TAS2R1: variants seen among roughly 807,000 people sequenced by gnomAD.
TAS2R1 encodes the protein taste receptor type 2 member 1.
For missense variants in TAS2R1, 370 were observed against 353.4 expected, an observed-to-expected ratio of 1.05 and a Z score of -0.38; for synonymous variants, 141 against 134.2, an observed-to-expected ratio of 1.05 and a Z score of -0.35.
At chr5:9,836,720 G>A in the TAS2R1 span, among the ~76,000 whole-genome samples, 9,119 of 152,216 alleles carry the variant, frequency 0.06, 652 homozygotes, top group East Asian at 0.23. Context: ...GTTCCATAAA[G>A]CAAATAGCAA....
the TAS2R1 span, among the ~76,000 whole-genome samples, chr5:9,736,330 C>CT: frequency 1.4e-4 from 21 of 152,240 alleles, no homozygotes; most frequent in Non-Finnish European, 3.1e-4. Flanking sequence ...GCGTCCCAGC[C>CT]TTATTCCCTC....
intron 2 of TAS2R1, among the ~76,000 whole-genome samples, chr5:9,646,494 A>T (rs1157978242): frequency 6.6e-6 from 1 of 152,148 alleles, no homozygotes; most frequent in African/African-American, 2.4e-5. Context: ...TGCTCTTGAA[A>T]CAAGCAGTGC....
intron 2 of TAS2R1, among the ~76,000 whole-genome samples, chr5:9,649,776 AAGG>A (rs1359582464): frequency 1.3e-5 from 2 of 152,222 alleles, no homozygotes; most frequent in African/African-American, 4.8e-5. Context: ...CAATAGCTTC[AAGG>A]AGAAGAAAAT....
chr5:9,657,736 G>T (rs951241035), intron 2 of TAS2R1, among the ~76,000 whole-genome samples: 7 of 152,168 alleles, frequency 4.6e-5, no homozygotes, highest in African/African-American at 1.7e-4. Context: ...GCAGGGGCTG[G>T]CGGGGAGTGG....
chr5:9,784,468 T>C, the TAS2R1 span, among the ~76,000 whole-genome samples: 1 of 152,198 alleles, frequency 6.6e-6, no homozygotes, highest in South Asian at 2.1e-4. Context: ...GCAGAGAACA[T>C]TCAATGTAGG....
intron 2 of TAS2R1, among the ~76,000 whole-genome samples, chr5:9,638,396 T>G (rs1402755864): frequency 6.6e-6 from 1 of 152,198 alleles, no homozygotes; most frequent in East Asian, 1.9e-4. Context: ...CTGGCTTTCT[T>G]GAATGCTGGT....
the TAS2R1 span, among the ~76,000 whole-genome samples, chr5:9,849,672 C>G: frequency 2.4e-3 from 366 of 152,296 alleles, no homozygotes; most frequent in Non-Finnish European, 4.3e-3. Flanking sequence ...CAAAGGTTCA[C>G]TTGATGTATC....
At chr5:9,772,144 A>C in the TAS2R1 span, among the ~76,000 whole-genome samples, 684 of 152,156 alleles carry the variant, frequency 4.5e-3, 4 homozygotes, top group African/African-American at 0.015. Flanking sequence ...ACTTACAGCT[A>C]TAAATTTTCC....
At chr5:9,712,461 A>G (rs1310967592), upstream of TAS2R1, 1 of 152,260 alleles carries the variant, frequency 6.6e-6, no homozygotes, top group East Asian at 1.9e-4. Flanking sequence ...ATTATCTTCC[A>G]TCTTGTAGGT....
At chr5:9,866,381 CTCT>C in the TAS2R1 span, among the ~76,000 whole-genome samples, 4 of 152,080 alleles carry the variant, frequency 2.6e-5, no homozygotes, top group African/African-American at 9.7e-5. Context: ...ATCTGTATTT[CTCT>C]TGTTTTTGGA....
At chr5:9,792,011 A>G in the TAS2R1 span, among the ~76,000 whole-genome samples, 6 of 152,228 alleles carry the variant, frequency 3.9e-5, no homozygotes, top group Non-Finnish European at 8.8e-5. Flanking sequence ...TAGTGCCACC[A>G]GGAGTCAGGA....
the TAS2R1 span, among the ~76,000 whole-genome samples, chr5:9,841,453 T>C: frequency 6.6e-6 from 1 of 152,212 alleles, no homozygotes; most frequent in African/African-American, 2.4e-5. Flanking sequence ...TCTTAGTTTG[T>C]TTACAAATTC....
chr5:9,748,060 G>A, the TAS2R1 span, among the ~76,000 whole-genome samples: 29 of 152,222 alleles, frequency 1.9e-4, no homozygotes, highest in African/African-American at 6.0e-4. Flanking sequence ...TATGGTGGAG[G>A]AAAACTGAAG....
At chr5:9,812,257 A>G in the TAS2R1 span, among the ~76,000 whole-genome samples, 1 of 152,178 alleles carries the variant, frequency 6.6e-6, no homozygotes, top group African/African-American at 2.4e-5. Flanking sequence ...TTCGATAAAT[A>G]TTCATTAAAT....
chr5:9,791,856 TAGA>T, the TAS2R1 span, among the ~76,000 whole-genome samples: 1 of 152,182 alleles, frequency 6.6e-6, no homozygotes, highest in African/African-American at 2.4e-5. Flanking sequence ...CGCATGCAGA[TAGA>T]AGGTCCATTT....
intron 1 of TAS2R1, among the ~76,000 whole-genome samples, chr5:9,665,759 TTGTC>T (rs1237748257): frequency 3.3e-5 from 5 of 152,214 alleles, no homozygotes; most frequent in Admixed American, 3.3e-4. Context: ...GTTTATTACT[TTGTC>T]TGGCATATAG....
Position 9,630,025 on chromosome 5 carries a change from T to C in TAS2R1, c.8A>G (p.Glu3Gly). 1 of 1,557,670 alleles carries C rather than the reference T, an allele frequency of 6.4e-7. No homozygotes were observed. The highest frequency in any genetic ancestry group is 1.2e-5 in the South Asian group (1 of 82,048). The change falls in exon 1 of 1, where the codon GAG becomes GGG. Residue 3 changes from glutamate to glycine, a missense_variant. Physicochemically the swap from Glu to Gly is moderately conservative, Grantham distance 98. Coordinates refer to ENST00000382492, the MANE Select transcript of TAS2R1 (RefSeq NM_019599.3). ML[E>G]SHLIIYFLLA... ...AAGAAAATAGATAATGAGGTGAGACTCTAGCATTTTAGGAATAAAAAATTA... is the reference window on the plus strand; with the variant it reads ...AAGAAAATAGATAATGAGGTGAGACCCTAGCATTTTAGGAATAAAAAATTA...
At chr5:9,848,954 T>C in the TAS2R1 span, among the ~76,000 whole-genome samples, 1 of 152,324 alleles carries the variant, frequency 6.6e-6, no homozygotes, top group East Asian at 1.9e-4. Flanking sequence ...ATGTTCCTAT[T>C]TGTCAGGTAT....
the TAS2R1 span, among the ~76,000 whole-genome samples, chr5:9,725,826 T>TCC: frequency 3.3e-5 from 5 of 152,168 alleles, no homozygotes; most frequent in African/African-American, 1.2e-4. Flanking sequence ...CCTTTATGTC[T>TCC]AGTTAAGGGA....
Sources: allele counts gnomAD v4.1 joint callset (sites outside exome capture counted in the v4.1 genomes callset), GRCh38; gene constraint gnomAD v4.1.1; transcripts MANE v1.5; gene names NCBI Gene and HGNC (gene_info 2026-07-23, HGNC 2026-07-21).